Variants in NBPF9 observed in about 807,000 individuals in gnomAD.
NBPF9 encodes NBPF family member NBPF9.
NBPF9 carries 91 observed loss-of-function variants against 97.8 expected under a neutral mutation model. That is an observed-to-expected ratio of 0.93 (90% CI 0.79 to 1.11). The LOEUF is 1.11. Ranked by LOEUF, NBPF9 falls within the 50% of genes least tolerant of loss-of-function variation. The pLI, the probability that NBPF9 is intolerant of heterozygous loss-of-function variation, is 0.00. For missense variants in NBPF9, 992 were observed against 939.5 expected, an observed-to-expected ratio of 1.06 and a Z score of -0.73; for synonymous variants, 334 against 359.5, an observed-to-expected ratio of 0.93 and a Z score of 0.80.
chr1:149,100,828 A>C (rs1247174552), intron 3 of NBPF9, among the ~76,000 whole-genome samples: 1 of 151,856 alleles, frequency 6.6e-6, no homozygotes, highest in Non-Finnish European at 1.5e-5. Flanking sequence ...GCAGCTACTC[A>C]GGAGGCTGAG....
chr1:149,073,231 C>A (rs2079560620), intron 13 of NBPF9, among the ~76,000 whole-genome samples: 1 of 147,342 alleles, frequency 6.8e-6, no homozygotes, highest in Non-Finnish European at 1.5e-5. Context: ...CAGTTCCTCA[C>A]TCTGGCCATG....
At position 149,061,901 on chromosome 1, in the gene NBPF9, C is replaced by A. The variant is rs1553650032; in HGVS notation, c.2251+192G>T. On this transcript the variant is annotated intron_variant, in intron 22 of 29. Transcript: ENST00000584027. Reference sequence around the variant, plus strand: ...GCATGGCTGGAGACTAGGAATGGAGCCTTGCTCACTGACCCATTTCATGTC... The same window carrying A: ...GCATGGCTGGAGACTAGGAATGGAGACTTGCTCACTGACCCATTTCATGTC... The A allele has an allele frequency of 1.8e-5, 8 of 450,200 alleles. 2 individuals carry two copies. In the Admixed American group the frequency reaches 2.5e-4, roughly 14 times the overall value. The allele number at this position is 450,200 out of a possible 1,614,324, so 27.9% of individuals were successfully genotyped here.
Position 149,071,524 on chromosome 1 carries a change from T to C in NBPF9, c.1379+80A>G, listed in dbSNP as rs1302503928. 1.7e-5 allele frequency: 18 copies of C among 1,052,416 alleles called. 1 individual carries two copies. The highest frequency in any genetic ancestry group is 1.0e-4 in the African/African-American group (6 of 58,644). 65.2% of individuals were successfully genotyped at this position (1,052,416 alleles called of 1,614,324 possible). The stretch of plus-strand genomic sequence containing the variant: ...GCGAATGCGGGTTTTTGGCCCATCA[T>C]AGATGCCAGAGAGGGTGTGCCTCCT... On this transcript the variant is annotated intron_variant, in intron 15 of 29. Transcript: ENST00000584027.
chr1:149,057,698 CAGATAG>C (rs1264506570), intron 27 of NBPF9, among the ~76,000 whole-genome samples, 191 bp from the exon 28 acceptor site: 4 of 35,448 alleles, frequency 1.1e-4, no homozygotes, highest in African/African-American at 2.9e-4. Flanking sequence ...AAGAGAAAGA[CAGATAG>C]ACACACACAC....
At chr1:149,086,649 G>C (rs1438936234) in intron 5 of NBPF9, among the ~76,000 whole-genome samples, 3 of 152,226 alleles carry the variant, frequency 2.0e-5, no homozygotes, top group Admixed American at 1.3e-4. Context: ...TATGTATTTA[G>C]ATGAATGCAC....
chr1:149,070,632 A>T (rs1310831903), intron 16 of NBPF9, among the ~76,000 whole-genome samples: 4 of 151,640 alleles, frequency 2.6e-5, no homozygotes, highest in African/African-American at 9.7e-5. Flanking sequence ...CAGATGACTT[A>T]ATCACAGATG....
chr1:149,087,267 T>C (rs2081082438), intron 5 of NBPF9, among the ~76,000 whole-genome samples: 1 of 148,558 alleles, frequency 6.7e-6, no homozygotes, highest in Non-Finnish European at 1.5e-5. Flanking sequence ...TGTGTGTGTC[T>C]GTATATATAT....
intron 12 of NBPF9, among the ~76,000 whole-genome samples, chr1:149,074,523 G>C (rs181690448): frequency 1.4e-3 from 209 of 151,616 alleles, no homozygotes; most frequent in African/African-American, 5.0e-3. Context: ...CTAGGAGACT[G>C]ACAAGAAACA....
downstream of NBPF9, chr1:149,053,919 C>CAG (rs2078048777): frequency 1.4e-5 from 2 of 146,438 alleles, no homozygotes; most frequent in African/African-American, 5.2e-5. Flanking sequence ...CACACAGACA[C>CAG]ACACACACTC....
chr1:149,081,355 T>G (rs1422513084), intron 7 of NBPF9, among the ~76,000 whole-genome samples: 3 of 151,944 alleles, frequency 2.0e-5, no homozygotes, highest in Non-Finnish European at 4.4e-5. Flanking sequence ...GCTGACCTCG[T>G]GCTCTGCCCG....
At chr1:149,083,793 A>AT (rs2152912449) in intron 5 of NBPF9, among the ~76,000 whole-genome samples, 1 of 145,788 alleles carries the variant, frequency 6.9e-6, no homozygotes, top group Admixed American at 6.9e-5. Context: ...AATTCGCTTG[A>AT]TTTCTTATTG....
At chr1:149,068,563 A>G in intron 17 of NBPF9, among the ~76,000 whole-genome samples, 1 of 151,870 alleles carries the variant, frequency 6.6e-6, no homozygotes, top group Middle Eastern at 3.4e-3. Flanking sequence ...GATCAATTCA[A>G]CAGGAAGAGT....
chr1:149,097,309 A>G (rs1276352327), intron 4 of NBPF9, among the ~76,000 whole-genome samples: 2 of 152,190 alleles, frequency 1.3e-5, no homozygotes, highest in South Asian at 2.1e-4. Flanking sequence ...AGAGAGACGC[A>G]CTACTGTAAA....
chr1:149,059,859 A>C (rs2078486189), intron 24 of NBPF9, 51 bp from the exon 25 acceptor site: 1 of 525,720 alleles, frequency 1.9e-6, no homozygotes, highest in South Asian at 2.0e-5. Flanking sequence ...TCCCCTACAC[A>C]TATAACAATC....
chr1:149,063,592 G>T lies in NBPF9; in HGVS notation c.2026+41C>A. On this transcript the variant is annotated intron_variant, in intron 20 of 29. Coordinates refer to ENST00000584027, the Ensembl canonical transcript of NBPF9. ...AGTAGGAATATGACCCTAACCAGAA[G>T]ACTCAGTGGATCCTTATCACCTTCA... 4.9e-6 allele frequency: 3 copies of T among 609,720 alleles called. 1 individual carries two copies. The highest frequency in any genetic ancestry group is 7.2e-5 in the East Asian group (2 of 27,678). The allele number at this position is 609,720 out of a possible 1,614,324, so 37.8% of individuals were successfully genotyped here.
At chr1:149,085,665 A>G (rs1442384701) in intron 5 of NBPF9, among the ~76,000 whole-genome samples, 1 of 152,004 alleles carries the variant, frequency 6.6e-6, no homozygotes, top group African/African-American at 2.4e-5. Flanking sequence ...TTAAGCATGT[A>G]ATGATTCTGG....
chr1:149,062,305 A>G (rs1553650284), intron 21 of NBPF9, 40 bp from the exon 22 acceptor site: 8 of 626,528 alleles, frequency 1.3e-5, no homozygotes, highest in Non-Finnish European at 2.0e-5. Context: ...GCCAGGGGGA[A>G]TCAGAAACCA....
intron 5 of NBPF9, among the ~76,000 whole-genome samples, chr1:149,088,269 A>G (rs1281446911): frequency 6.6e-6 from 1 of 152,250 alleles, no homozygotes; most frequent in East Asian, 1.9e-4. Context: ...TACATTCTGC[A>G]ACACTACCAA....
At chr1:149,080,857 T>G (rs1454404107) in intron 7 of NBPF9, among the ~76,000 whole-genome samples, 1 of 150,686 alleles carries the variant, frequency 6.6e-6, no homozygotes, top group Non-Finnish European at 1.5e-5. Context: ...CCTCATGTAA[T>G]TCATTGCAGC....
Sources: allele counts gnomAD v4.1 joint callset (sites outside exome capture counted in the v4.1 genomes callset), GRCh38; gene constraint gnomAD v4.1.1; transcripts MANE v1.5; gene names NCBI Gene and HGNC (gene_info 2026-07-23, HGNC 2026-07-21).